AR: variants seen among roughly 807,000 people sequenced by gnomAD.
The protein encoded by AR is dihydrotestosterone receptor.
A neutral mutation model predicts 53.9 loss-of-function variants in AR; 8 were observed. The ratio of observed to expected loss-of-function variants is 0.15; its 90% confidence interval spans 0.09 to 0.27. The LOEUF is 0.27. Among genes scored for constraint, AR ranks in the 10% least tolerant of loss-of-function variants. The pLI, the probability that AR is intolerant of heterozygous loss-of-function variation, is 1.00. For missense variants in AR, 639 were observed against 742.5 expected (o/e 0.86, Z 1.62); for synonymous variants, 359 against 316.4 (o/e 1.13, Z -1.43).
At chrX:67,582,709 A>G (rs1922350556) in intron 1 of AR, among the ~76,000 whole-genome samples, 1 of 111,488 alleles carries the variant, frequency 9.0e-6, no homozygotes, top group African/African-American at 3.3e-5. Context: ...ATTATGATTC[A>G]TTTGGTCTGG....
chrX:67,664,556 G>T (rs183035593), intron 2 of AR, among the ~76,000 whole-genome samples: 1 of 112,096 alleles, frequency 8.9e-6, no homozygotes, highest in South Asian at 3.7e-4. Flanking sequence ...TAGGCTACTC[G>T]GGGTTCAGGG....
intron 1 of AR, among the ~76,000 whole-genome samples, chrX:67,624,242 C>T (rs1225850040): frequency 9.0e-6 from 1 of 111,528 alleles, no homozygotes; most frequent in Admixed American, 9.6e-5. Flanking sequence ...CCATATCAAC[C>T]ATACTGTATG....
chrX:67,716,823 G>T lies in AR; in HGVS notation c.2174-655G>T, dbSNP rs1421447505. Among the ~76,000 whole-genome samples, 5 of 111,863 alleles carry T rather than the reference G, an allele frequency of 4.5e-5. No individual in the cohort carries two copies. In the Admixed American group the frequency reaches 4.7e-4, roughly 11 times the overall value. ...AAAACAGCTTTGTGAAGTGAAAACT[G>T]CTGTTTATGTGGGGGAAATGATTGT... On this transcript the variant is annotated intron_variant, in intron 4 of 7. Transcript: ENST00000374690.
At chrX:67,635,185 G>A (rs1304689177) in intron 1 of AR, among the ~76,000 whole-genome samples, 6 of 111,405 alleles carry the variant, frequency 5.4e-5, no homozygotes, top group African/African-American at 1.6e-4. Context: ...GACTTACAAT[G>A]TGCCTACCAT....
At chrX:67,581,302 A>G (rs1014233923) in intron 1 of AR, among the ~76,000 whole-genome samples, 6 of 111,908 alleles carry the variant, frequency 5.4e-5, no homozygotes, top group South Asian at 3.7e-4. Context: ...TACCTCTTAT[A>G]TAGAATGTGA....
intron 1 of AR, among the ~76,000 whole-genome samples, chrX:67,572,247 G>T (rs1027471610): frequency 8.9e-6 from 1 of 111,790 alleles, no homozygotes; most frequent in African/African-American, 3.2e-5. Flanking sequence ...CATCAGTTCT[G>T]ATTCTGCCTT....
At chrX:67,655,019 G>C (rs745587683) in intron 2 of AR, among the ~76,000 whole-genome samples, 241 of 105,830 alleles carry the variant, frequency 2.3e-3, no homozygotes, top group Middle Eastern at 4.7e-3. Context: ...TGGCAGTATA[G>C]TGGTATTCAT....
At chrX:67,690,543 C>T (rs2075990228) in intron 3 of AR, among the ~76,000 whole-genome samples, 1 of 111,971 alleles carries the variant, frequency 8.9e-6, no homozygotes, top group African/African-American at 3.2e-5. Flanking sequence ...ATTTATTCAT[C>T]CATGTATCTA....
At chrX:67,631,744 C>T (rs780850097) in intron 1 of AR, among the ~76,000 whole-genome samples, 47 of 112,476 alleles carry the variant, frequency 4.2e-4, no homozygotes, top group Non-Finnish European at 7.7e-4. Flanking sequence ...AGTTTTTCTG[C>T]TCTGTTTTTC....
intron 2 of AR, among the ~76,000 whole-genome samples, chrX:67,675,122 A>C (rs1024967020): frequency 8.3e-5 from 9 of 108,954 alleles, no homozygotes; most frequent in Non-Finnish European, 9.5e-5. Context: ...TGACCTCAGG[A>C]CTCTGCCTGG....
chrX:67,575,861 T>C (rs1922021882), intron 1 of AR, among the ~76,000 whole-genome samples: 1 of 111,833 alleles, frequency 8.9e-6, no homozygotes, highest in Admixed American at 9.5e-5. Flanking sequence ...TTTGTTGGTG[T>C]AGGAAACTGG....
At chrX:67,617,571 T>C (rs1199318945) in intron 1 of AR, among the ~76,000 whole-genome samples, 2 of 112,036 alleles carry the variant, frequency 1.8e-5, no homozygotes, top group East Asian at 5.6e-4. Flanking sequence ...ATATCTTCCC[T>C]TGACATAGAA....
Position 67,677,633 on chromosome X carries a change from G to A in AR, c.1769-8377G>A, listed in dbSNP as rs148725028. ...ATGGTCTGTGTCTTCTGATCATACA[G>A]AGATAATAAATATGGAAATGATTTC... is the stretch of plus-strand genomic sequence containing the variant. On this transcript the variant is annotated intron_variant, in intron 2 of 7. Coordinates refer to ENST00000374690, the MANE Select transcript of AR (RefSeq NM_000044.6). 3.2e-3 allele frequency among the ~76,000 whole-genome samples: 354 copies of A among 111,862 alleles called. 1 individual carries two copies. The highest frequency in any genetic ancestry group is 5.4e-3 in the Non-Finnish European group (289 of 53,143).
chrX:67,712,668 T>C lies in AR; in HGVS notation c.2173+979T>C, dbSNP rs2076098324. On this transcript the variant is annotated intron_variant, in intron 4 of 7. Transcript: ENST00000374690. ...CTTTCTCTCTATCCCAGGGAAGCCC[T>C]AGGTCACTCTTGCAAAATCTTAGGG... is the stretch of plus-strand genomic sequence containing the variant. 2.7e-5 allele frequency among the ~76,000 whole-genome samples: 3 copies of C among 112,188 alleles called. No homozygotes were observed. The South Asian group carries it at 1.1e-3, about 41-fold the overall frequency.
At chrX:67,660,056 G>C (rs1178171421) in intron 2 of AR, among the ~76,000 whole-genome samples, 2 of 111,723 alleles carry the variant, frequency 1.8e-5, no homozygotes, top group Non-Finnish European at 1.9e-5. Flanking sequence ...CTTTTTGATA[G>C]GGTTGTTTGT....
At chrX:67,659,863 G>T (rs758101076) in intron 2 of AR, among the ~76,000 whole-genome samples, 2 of 111,224 alleles carry the variant, frequency 1.8e-5, no homozygotes, top group African/African-American at 6.5e-5. Context: ...ATTTCTCCAC[G>T]TCCTCTCCAG....
chrX:67,700,466 T>G (rs764734367), intron 3 of AR, among the ~76,000 whole-genome samples: 4 of 111,550 alleles, frequency 3.6e-5, no homozygotes, highest in Non-Finnish European at 7.5e-5. Context: ...TCCTGGTCTC[T>G]GCTGCAGACA....
At chrX:67,683,141 A>G (rs761700013) in intron 2 of AR, among the ~76,000 whole-genome samples, 45 of 112,149 alleles carry the variant, frequency 4.0e-4, no homozygotes, top group Non-Finnish European at 6.2e-4. Context: ...TCACACATAC[A>G]TGAATACACA....
intron 5 of AR, among the ~76,000 whole-genome samples, chrX:67,719,848 A>C (rs1023437354): frequency 9.0e-6 from 1 of 111,616 alleles, no homozygotes; most frequent in Non-Finnish European, 1.9e-5. Flanking sequence ...GCTAATGGGG[A>C]GCCTCAGACC....
Sources: gnomAD v4.1 joint callset for allele counts (sites outside exome capture counted in the v4.1 genomes callset) on GRCh38, gnomAD v4.1.1 for gene constraint, MANE v1.5 for transcripts, NCBI Gene and HGNC (gene_info 2026-07-23, HGNC 2026-07-21) for gene names.